SULF1: variants seen among roughly 807,000 people sequenced by gnomAD.
SULF1 encodes extracellular sulfatase Sulf-1.
SULF1 carries 46 observed loss-of-function variants against 110.5 expected under a neutral mutation model. The observed-to-expected ratio is 0.42, with a 90% confidence interval of 0.33 to 0.53. The LOEUF (loss-of-function observed/expected upper bound fraction) is 0.53. Ranked by LOEUF, SULF1 falls within the 20% of genes least tolerant of loss-of-function variation. The pLI is 0.12. For missense variants in SULF1, 941 were observed against 1,094.2 expected (o/e 0.86, Z 1.98); for synonymous variants, 371 against 387.1 (o/e 0.96, Z 0.49).
At chr8:69,592,784 T>C (rs1807005449) in intron 8 of SULF1, 2 of 284,650 alleles carry the variant, frequency 7.0e-6, no homozygotes, top group Admixed American at 1.3e-4. Context: ...GGCAATTTCA[T>C]GTGGCTCAAC....
intron 3 of SULF1, among the ~76,000 whole-genome samples, chr8:69,516,386 TAA>T (rs11322683): frequency 5.3e-4 from 79 of 148,454 alleles, no homozygotes; most frequent in South Asian, 1.3e-3. Context: ...GCTACACACT[TAA>T]AAAAAAAAAA....
chr8:69,649,888 C>T (rs537567090), intron 22 of SULF1, among the ~76,000 whole-genome samples: 3 of 144,594 alleles, frequency 2.1e-5, no homozygotes, highest in Admixed American at 7.1e-5. Flanking sequence ...AAGGCATTCA[C>T]GATTCATTTC....
chr8:69,560,321 G>T (rs1487146145), intron 3 of SULF1, among the ~76,000 whole-genome samples: 1 of 146,204 alleles, frequency 6.8e-6, no homozygotes, highest in Non-Finnish European at 1.5e-5. Context: ...TATCCAGTTG[G>T]CTGGACATCC....
rs1232180461 is a variant in SULF1 at position 69,659,124 on chromosome 8, C to G, written c.*589C>G. ...CCCAGTATGGTGGTCCTGGAAAGGA[C>G]ATTTTTGAAGATCAACTATATCTTC... On this transcript the variant is annotated 3_prime_UTR_variant, in exon 23 of 23. Coordinates refer to ENST00000402687, the MANE Select transcript of SULF1 (RefSeq NM_001128205.2). 8.8e-6 allele frequency: 4 copies of G among 456,782 alleles called. No individual in the cohort carries two copies. The highest frequency in any genetic ancestry group is 1.8e-5 in the Non-Finnish European group (4 of 226,968). 28.3% of individuals were successfully genotyped at this position (456,782 alleles called of 1,614,324 possible).
At chr8:69,574,759 A>G (rs1805480596) in intron 5 of SULF1, among the ~76,000 whole-genome samples, 2 of 152,220 alleles carry the variant, frequency 1.3e-5, no homozygotes, top group Non-Finnish European at 2.9e-5. Context: ...TGCCCTGAAG[A>G]CAACCAGAAG....
intron 5 of SULF1, among the ~76,000 whole-genome samples, chr8:69,569,155 G>C (rs937970462): frequency 1.3e-5 from 2 of 152,068 alleles, no homozygotes; most frequent in African/African-American, 2.4e-5. Flanking sequence ...AAATTGACCT[G>C]ACAGGAACAT....
chr8:69,631,852 G>T (rs968803105), intron 19 of SULF1, among the ~76,000 whole-genome samples: 7 of 152,184 alleles, frequency 4.6e-5, no homozygotes, highest in African/African-American at 1.4e-4. Flanking sequence ...ACTAGGGTCC[G>T]CCCATTTGAT....
At chr8:69,586,997 T>C (rs1806513801) in intron 7 of SULF1, among the ~76,000 whole-genome samples, 1 of 152,208 alleles carries the variant, frequency 6.6e-6, no homozygotes, top group Admixed American at 6.5e-5. Flanking sequence ...TTAGTATACG[T>C]GACAAGGACA....
intron 3 of SULF1, among the ~76,000 whole-genome samples, chr8:69,557,954 A>T (rs1365723320): frequency 6.6e-6 from 1 of 152,182 alleles, no homozygotes. Context: ...CCAGGAGGGG[A>T]TGATTGTCTA....
intron 6 of SULF1, among the ~76,000 whole-genome samples, chr8:69,578,442 T>C (rs970597567): frequency 9.9e-5 from 15 of 151,752 alleles, no homozygotes; most frequent in African/African-American, 2.9e-4. Flanking sequence ...CGTGCTGGTG[T>C]GCTGCACCCA....
intron 13 of SULF1, among the ~76,000 whole-genome samples, chr8:69,618,588 C>T (rs935214169): frequency 1.3e-5 from 2 of 152,214 alleles, no homozygotes; most frequent in East Asian, 1.9e-4. Context: ...ACTCGTTAGT[C>T]GCCTGTCTGT....
chr8:69,603,116 G>T (rs1385014466), intron 10 of SULF1, 76 bp from the exon 11 acceptor site: 4 of 1,594,966 alleles, frequency 2.5e-6, no homozygotes, highest in Non-Finnish European at 3.4e-6. Flanking sequence ...ATGAGTCACT[G>T]CTGTAGAAAA....
intron 19 of SULF1, among the ~76,000 whole-genome samples, chr8:69,637,137 T>TC (rs1811102662): frequency 6.6e-6 from 1 of 152,226 alleles, no homozygotes; most frequent in African/African-American, 2.4e-5. Context: ...CCGAGCTTTT[T>TC]CACCTTTCTG....
At chr8:69,561,669 T>G (rs1271883027) in intron 3 of SULF1, among the ~76,000 whole-genome samples, 1 of 152,180 alleles carries the variant, frequency 6.6e-6, no homozygotes, top group Non-Finnish European at 1.5e-5. Flanking sequence ...ATTTACAGTA[T>G]AGTGGATGCA....
chr8:69,632,235 G>A (rs1421636846), intron 19 of SULF1, among the ~76,000 whole-genome samples: 1 of 152,044 alleles, frequency 6.6e-6, no homozygotes, highest in Admixed American at 6.6e-5. Context: ...CAAATTTGAT[G>A]CTCCTTCTGA....
At chr8:69,504,370 A>G (rs1283810383) in intron 3 of SULF1, among the ~76,000 whole-genome samples, 2 of 152,076 alleles carry the variant, frequency 1.3e-5, no homozygotes, top group South Asian at 2.1e-4. Flanking sequence ...CCTGGCCAAT[A>G]TGGTGAAACC....
intron 1 of SULF1, among the ~76,000 whole-genome samples, chr8:69,481,393 A>G (rs1809517009): frequency 6.6e-6 from 1 of 152,176 alleles, no homozygotes; most frequent in South Asian, 2.1e-4. Context: ...AAGGGATTCT[A>G]TGAAAGTTAT....
chr8:69,564,355 G>A (rs1234985777), intron 5 of SULF1, among the ~76,000 whole-genome samples: 6 of 152,148 alleles, frequency 3.9e-5, no homozygotes, highest in Admixed American at 2.6e-4. Context: ...TGAAATGGTC[G>A]GGGAAGGGGC....
upstream of SULF1, among the ~76,000 whole-genome samples, chr8:69,491,150 C>G (rs1016903485): frequency 6.6e-6 from 1 of 152,108 alleles, no homozygotes; most frequent in African/African-American, 2.4e-5. Context: ...ACACCACGGT[C>G]GATCCAACTA....
Sources: allele counts gnomAD v4.1 joint callset (sites outside exome capture counted in the v4.1 genomes callset), GRCh38; gene constraint gnomAD v4.1.1; transcripts MANE v1.5; gene names NCBI Gene and HGNC (gene_info 2026-07-23, HGNC 2026-07-21).